The following FBP2 variants were observed in gnomAD, a reference collection of about 807,000 sequenced individuals.
The protein encoded by FBP2 is fructose-bisphosphatase 2, also known as fructose-1,6-bisphosphatase isozyme 2.
FBP2 carries 27 observed loss-of-function variants against 31.6 expected under a neutral mutation model. That is an observed-to-expected ratio of 0.85 (90% CI 0.63 to 1.18). FBP2 has a LOEUF of 1.18. Ranked by LOEUF, FBP2 falls within the 50% of genes most tolerant of loss-of-function variation. The pLI, the probability that FBP2 is intolerant of heterozygous loss-of-function variation, is 0.00. For missense variants in FBP2, 421 were observed against 436.1 expected (o/e 0.97, Z 0.31); for synonymous variants, 168 against 179.8 (o/e 0.93, Z 0.53).
chr9:94,591,259 T>C (rs965076767), intron 1 of FBP2, among the ~76,000 whole-genome samples: 2 of 152,164 alleles, frequency 1.3e-5, no homozygotes, highest in African/African-American at 2.4e-5. Flanking sequence ...GGCTCAGGCA[T>C]GGCGGGCTGC....
chr9:94,565,267 C>T (rs1029371041), intron 5 of FBP2, among the ~76,000 whole-genome samples: 4 of 149,480 alleles, frequency 2.7e-5, no homozygotes, highest in Admixed American at 6.8e-5. Flanking sequence ...CCCAGCTACT[C>T]GGGAGGCTGA....
intron 3 of FBP2, among the ~76,000 whole-genome samples, chr9:94,580,091 G>T (rs1354808857): frequency 6.6e-6 from 1 of 152,086 alleles, no homozygotes. Context: ...TTCCCTGTCT[G>T]GTAATTCACT....
chr9:94,571,413 G>C (rs758231706), intron 4 of FBP2, 49 bp downstream of exon 4: 3 of 1,518,162 alleles, frequency 2.0e-6, no homozygotes, highest in Non-Finnish European at 2.7e-6. Context: ...TTAAGGCACA[G>C]AGGCCCATGG....
chr9:94,571,482 C>T lies in FBP2; in HGVS notation c.547G>A (p.Asp183Asn). Residue 183 changes from aspartate (D) to asparagine (N), a missense_variant, in exon 4 of 7, where the codon GAC becomes AAC. Coordinates refer to ENST00000375337, the MANE Select transcript of FBP2 (RefSeq NM_003837.4). ...CCTACCGGGTCAAGCATGAAGAGGT[C>T]CACGCCTTGCCCTGTGGAGAGAGCC... ...LVALSTGQGVDLFMLDPALGE... is the reference protein window; with the variant it reads ...LVALSTGQGVNLFMLDPALGE... The T allele has an allele frequency of 6.2e-7, 1 of 1,613,084 alleles. No individual in the cohort carries two copies. The highest frequency in any genetic ancestry group is 1.1e-5 in the South Asian group (1 of 90,868).
At chr9:94,565,619 G>GT (rs777116575) in intron 5 of FBP2, among the ~76,000 whole-genome samples, 13 of 152,088 alleles carry the variant, frequency 8.5e-5, no homozygotes, top group Admixed American at 2.6e-4. Flanking sequence ...TAAGCTCCTA[G>GT]TTTTTTAGCC....
At chr9:94,568,792 A>G (rs1395346530) in intron 4 of FBP2, 1 of 152,168 alleles carries the variant, frequency 6.6e-6, no homozygotes, top group Non-Finnish European at 1.5e-5. Context: ...AGTGACTTCA[A>G]TCTCTCTGCC....
In FBP2 at chr9:94,566,233, A is replaced by C. The variant is rs113604583; in HGVS notation, c.705+1037T>G. Among the ~76,000 whole-genome samples the C allele has an allele frequency of 6.0e-3, 909 of 152,298 alleles. 8 individuals are homozygous for C. The highest frequency in any genetic ancestry group is 0.024 in the Middle Eastern group (7 of 294). On this transcript the variant is annotated intron_variant, in intron 5 of 6. Coordinates refer to ENST00000375337, the MANE Select transcript of FBP2 (RefSeq NM_003837.4). ...AACCTGGCCATAAACTGGCCCCAAA[A>C]CTGGCCATAAACAAAGTCTCTGCAG... is the stretch of plus-strand genomic sequence containing the variant.
intron 3 of FBP2, among the ~76,000 whole-genome samples, chr9:94,583,756 C>T (rs1017026999): frequency 6.6e-6 from 1 of 152,150 alleles, no homozygotes; most frequent in African/African-American, 2.4e-5. Context: ...TGCACCATCA[C>T]CCTGGCTAAT....
Position 94,571,559 on chromosome 9 carries a change from C to G in FBP2, c.470G>C (p.Gly157Ala). Reference sequence around the variant, plus strand: ...ATAACCTGCGGCCACAATATTGCGGCCACACTGCAGGGCATCCTTTTCAGA... The same window carrying G: ...ATAACCTGCGGCCACAATATTGCGGGCACACTGCAGGGCATCCTTTTCAGA... ...EPSEKDALQCGRNIVAAGYAL... is the reference protein window; with the variant it reads ...EPSEKDALQCARNIVAAGYAL... Residue 157 changes from glycine (G) to alanine (A), a missense_variant, in exon 4 of 7, where the codon GGC becomes GCC. Coordinates refer to ENST00000375337, the MANE Select transcript of FBP2 (RefSeq NM_003837.4). 6.2e-7 allele frequency: 1 copy of G among 1,613,946 alleles called. No individual in the cohort carries two copies. The highest frequency in any genetic ancestry group is 1.7e-5 in the Admixed American group (1 of 60,014).
chr9:94,581,795 G>A (rs1032636496), intron 3 of FBP2, among the ~76,000 whole-genome samples: 7 of 152,218 alleles, frequency 4.6e-5, no homozygotes, highest in Non-Finnish European at 7.3e-5. Context: ...GGCAGGAAGC[G>A]GGATCAGACA....
At chr9:94,580,371 C>T (rs1827362045) in intron 3 of FBP2, among the ~76,000 whole-genome samples, 1 of 152,330 alleles carries the variant, frequency 6.6e-6, no homozygotes, top group South Asian at 2.1e-4. Context: ...GCTGGTCCAA[C>T]ACGCCCAGCT....
chr9:94,582,325 T>C (rs925251362), intron 3 of FBP2, among the ~76,000 whole-genome samples: 2 of 150,982 alleles, frequency 1.3e-5, no homozygotes, highest in African/African-American at 4.9e-5. Context: ...GCTCCTCCTA[T>C]AATCTGTTAA....
chr9:94,585,469 C>T (rs1325806345), intron 2 of FBP2, among the ~76,000 whole-genome samples: 1 of 150,972 alleles, frequency 6.6e-6, no homozygotes, highest in African/African-American at 2.4e-5. Flanking sequence ...CAGGTCAGGA[C>T]ACATACAAGC....
At chr9:94,589,183 G>A (rs1002048301) in intron 1 of FBP2, among the ~76,000 whole-genome samples, 4 of 151,864 alleles carry the variant, frequency 2.6e-5, no homozygotes, top group African/African-American at 9.7e-5. Flanking sequence ...TGTCCACCCT[G>A]CACCACTACA....
chr9:94,571,055 G>C (rs929746441), intron 4 of FBP2: 3 of 158,800 alleles, frequency 1.9e-5, no homozygotes, highest in Non-Finnish European at 4.1e-5. Context: ...TGATGGGCAA[G>C]CCATCCAGCA....
chr9:94,579,051 A>T (rs1316364955), intron 3 of FBP2, among the ~76,000 whole-genome samples: 3 of 36,050 alleles, frequency 8.3e-5, no homozygotes, highest in Non-Finnish European at 6.2e-5. Context: ...AGACTCTGTC[A>T]AAAAAAAAAA....
chr9:94,566,749 G>A (rs1028187370), intron 5 of FBP2, among the ~76,000 whole-genome samples: 1 of 152,172 alleles, frequency 6.6e-6, no homozygotes, highest in Admixed American at 6.5e-5. Context: ...TAAATTCCCA[G>A]TATCTCAGTT....
intron 3 of FBP2, among the ~76,000 whole-genome samples, chr9:94,580,562 C>G (rs537087465): frequency 2.2e-4 from 33 of 152,326 alleles, no homozygotes; most frequent in Middle Eastern, 3.4e-3. Flanking sequence ...GTTAAATGAG[C>G]AACTATTGTT....
chr9:94,559,505 G>A (rs1415080616), intron 6 of FBP2, among the ~76,000 whole-genome samples: 1 of 150,030 alleles, frequency 6.7e-6, no homozygotes, highest in Non-Finnish European at 1.5e-5. Context: ...TTATATGTGA[G>A]ACCTCAAGGC....
Sources: allele counts gnomAD v4.1 joint callset (sites outside exome capture counted in the v4.1 genomes callset), GRCh38; gene constraint gnomAD v4.1.1; transcripts MANE v1.5; gene names NCBI Gene and HGNC (gene_info 2026-07-23, HGNC 2026-07-21).